HMCN2: variants seen among roughly 807,000 people sequenced by gnomAD.
HMCN2 encodes the protein hemicentin-2.
A neutral mutation model predicts 377.5 loss-of-function variants in HMCN2; 325 were observed. The ratio of observed to expected loss-of-function variants is 0.86; its 90% CI spans 0.79 to 0.94. HMCN2 has a LOEUF of 0.94. HMCN2 is among the 40% of genes least tolerant of loss of function. HMCN2 has a pLI of 0.00. For synonymous variants in HMCN2, 2,007 were observed against 2,046.8 expected (o/e 0.98, Z 0.53); for missense variants, 4,543 against 4,725.3 (o/e 0.96, Z 1.13).
chr9:130,323,124 C>G (rs935658197), intron 19 of HMCN2, among the ~76,000 whole-genome samples: 1 of 152,188 alleles, frequency 6.6e-6, no homozygotes, highest in Admixed American at 6.5e-5. Flanking sequence ...CACCCCCTAA[C>G]TTCCCACTGT....
At chr9:130,328,230 G>A (rs901182261) in intron 22 of HMCN2, among the ~76,000 whole-genome samples, 21 of 152,196 alleles carry the variant, frequency 1.4e-4, no homozygotes, top group Non-Finnish European at 2.4e-4. Context: ...TAGAGGTGGC[G>A]GGGACCCAGG....
chr9:130,279,748 G>A (rs1442530581), intron 1 of HMCN2, among the ~76,000 whole-genome samples: 1 of 152,218 alleles, frequency 6.6e-6, no homozygotes, highest in East Asian at 1.9e-4. Flanking sequence ...CCGTGGTAGG[G>A]TAGAATGATA....
chr9:130,304,871 G>T lies in HMCN2; in HGVS notation c.1685G>T (p.Gly562Val). ...RDWRVLPAST[G>V]RVAQLADLSL... is the part of the protein sequence containing the mutation. ...TGGCGAGTCCTGCCGGCCTCGACGG[G>T]CCGAGTTGCCCAGCTGGCTGACCTG... Residue 562 changes from glycine to valine, a missense_variant, in exon 11 of 98, where the codon GGC (glycine) becomes GTC (valine). This residue lies in a region of HMCN2 where 547 missense variants were observed against 189.9 expected (regional missense o/e 2.88). Coordinates refer to ENST00000683500, the MANE Select transcript of HMCN2 (RefSeq NM_001291815.2). The surrounding 1 kb of genome is among the most constrained non-coding windows in gnomAD (Gnocchi z 4.3). The T allele has an allele frequency of 2.1e-6, 1 of 471,144 alleles. No individual in the cohort carries two copies. Among genetic ancestry groups the T allele is most frequent in the South Asian group, 1.5e-5 (1 of 64,564 alleles). 29.2% of individuals were successfully genotyped at this position (471,144 alleles called of 1,614,324 possible). A position where few individuals can be genotyped will look rare whatever the true frequency, so the allele number is the denominator to read the frequency against.
chr9:130,345,241 TGTGTGTGGTATGTGTATG>T (rs2131496324), intron 25 of HMCN2, among the ~76,000 whole-genome samples: 1 of 147,480 alleles, frequency 6.8e-6, no homozygotes, highest in East Asian at 2.1e-4. Context: ...GTGTGTATGT[TGTGTGTGGTATGTGTATG>T]GTGTGTGGTG....
At chr9:130,306,322 T>A in intron 12 of HMCN2, 52 bp downstream of exon 12, 3 of 465,204 alleles carry the variant, frequency 6.4e-6, no homozygotes, top group South Asian at 4.7e-5. Flanking sequence ...TGGACAGGAC[T>A]CCCAGGGGAC....
chr9:130,330,458 A>G (rs1286185747), intron 22 of HMCN2, among the ~76,000 whole-genome samples: 3 of 152,118 alleles, frequency 2.0e-5, no homozygotes, highest in African/African-American at 7.2e-5. Context: ...ACAGAAACAC[A>G]TGGGGTGTGG....
At chr9:130,287,686 G>A (rs548099401) in intron 4 of HMCN2, among the ~76,000 whole-genome samples, 107 of 152,240 alleles carry the variant, frequency 7.0e-4, no homozygotes, top group Admixed American at 2.5e-3. Flanking sequence ...AGTTTCCAGG[G>A]ACTGGGCTGT....
chr9:130,309,639 C>G (rs6478961), intron 14 of HMCN2, among the ~76,000 whole-genome samples: 6 of 150,852 alleles, frequency 4.0e-5, no homozygotes, highest in Middle Eastern at 3.2e-3. Context: ...TGGACACCAG[C>G]GGGGGGGGTC....
chr9:130,368,135 G>T lies in HMCN2; in HGVS notation c.6626-141G>T, dbSNP rs185511272. 2.1e-4 allele frequency: 68 copies of T among 317,234 alleles called. 1 individual carries two copies. In the East Asian group the frequency reaches 0.011, roughly 52 times the overall value. 19.7% of individuals were successfully genotyped at this position (317,234 alleles called of 1,614,324 possible). On this transcript the variant is annotated intron_variant, in intron 43 of 97. Transcript: ENST00000683500. ...AAGTGGCACTCATGGAAGGCTTCCC[G>T]GAAGAGGTAGTGTCTAAATGGACAC... is the stretch of plus-strand genomic sequence containing the variant.
chr9:130,391,990 TG>T lies in HMCN2; in HGVS notation c.10012del (p.Glu3338SerfsTer3). On this transcript the variant is annotated frameshift_variant, in exon 66 of 98. Transcript: ENST00000683500. LOFTEE classifies it high-confidence loss of function. ...DGSGTLVSRP[G>X]ELVTMVCPVR... ...GCTCGGGGACCCTGGTGAGCAGGCC[TG>T]GGGAGCTGGTGACCATGGTGTGCCC... 1 of 988,298 alleles carries T rather than the reference TG, an allele frequency of 1.0e-6. No individual in the cohort carries two copies. Among genetic ancestry groups the T allele is most frequent in the Non-Finnish European group, 1.2e-6 (1 of 830,324 alleles). The allele number at this position is 988,298 out of a possible 1,614,324, so 61.2% of individuals were successfully genotyped here.
Position 130,425,845 on chromosome 9 carries a change from G to T in HMCN2, c.13800G>T (p.Leu4600=), listed in dbSNP as rs1451574222. 1 of 1,550,436 alleles carries T rather than the reference G, an allele frequency of 6.4e-7. No homozygotes were observed. The highest frequency in any genetic ancestry group is 8.7e-7 in the Non-Finnish European group (1 of 1,146,962). The change falls in exon 90 of 98, where the codon CTG becomes CTT. Residue 4600 remains leucine (L), a synonymous_variant. Transcript: ENST00000683500. Reference sequence around the variant, plus strand: ...CCCAGCCCCAGCTGGTGCAGCACCTGCGGGCCTCAGCTATCAGCTCGGCCT... The same window carrying T: ...CCCAGCCCCAGCTGGTGCAGCACCTTCGGGCCTCAGCTATCAGCTCGGCCT... ...RGPQPQLVQH[L]RASAISSAFD... is the part of the protein sequence containing the mutation.
rs1267783635 is a variant in HMCN2, at chr9:130,370,975, C to T, written c.7081C>T (p.Leu2361Phe). The T allele has an allele frequency of 1.0e-6, 1 of 986,080 alleles. No individual in the cohort carries two copies. Among genetic ancestry groups the T allele is most frequent in the East Asian group, 1.1e-4 (1 of 8,838 alleles). 61.1% of individuals were successfully genotyped at this position (986,080 alleles called of 1,614,324 possible). A position where few individuals can be genotyped will look rare whatever the true frequency, so the allele number is the denominator to read the frequency against. Reference protein sequence around the residue: ...FELSVLVPPELIGDLDPLTNI... With the variant: ...FELSVLVPPEFIGDLDPLTNI... The stretch of plus-strand genomic sequence containing the variant: ...TTCTTTGTGTCCAGTGCCCCCAGAG[C>T]TCATTGGAGACTTGGACCCGCTGAC... The change falls in exon 46 of 98, where the codon CTC (leucine) becomes TTC (phenylalanine). Residue 2361 changes from leucine (L) to phenylalanine (F), a missense_variant. By Grantham distance (22) the Leu-to-Phe change is conservative (BLOSUM62 0). Coordinates refer to ENST00000683500, the MANE Select transcript of HMCN2 (RefSeq NM_001291815.2).
At chr9:130,312,969 A>G (rs1192243615) in intron 15 of HMCN2, among the ~76,000 whole-genome samples, 4 of 152,004 alleles carry the variant, frequency 2.6e-5, no homozygotes, top group African/African-American at 4.8e-5. Context: ...CCAGAGTCTC[A>G]TTTCTTTGGG....
rs1841578473 is a variant in HMCN2 at position 130,379,436 on chromosome 9, C to G, written c.8400C>G (p.Leu2800=). The G allele has an allele frequency of 1.0e-6, 1 of 985,778 alleles. No homozygotes were observed. The highest frequency in any genetic ancestry group is 1.7e-5 in the African/African-American group (1 of 57,240). The allele number at this position is 985,778 out of a possible 1,614,324, so 61.1% of individuals were successfully genotyped here. A position where few individuals can be genotyped will look rare whatever the true frequency, so the allele number is the denominator to read the frequency against. ...DLTWYREDQP[L]SAGDEVSVLQ... Reference sequence around the variant, plus strand: ...CCTGGTACAGAGAGGATCAGCCCCTCTCGGCCGGGGATGAGGTGTCTGTGC... The same window carrying G: ...CCTGGTACAGAGAGGATCAGCCCCTGTCGGCCGGGGATGAGGTGTCTGTGC... Residue 2800 remains leucine (L), a synonymous_variant, in exon 54 of 98, where the codon CTC becomes CTG. Coordinates refer to ENST00000683500, the MANE Select transcript of HMCN2 (RefSeq NM_001291815.2).
intron 4 of HMCN2, among the ~76,000 whole-genome samples, chr9:130,288,607 C>G (rs1293603640): frequency 1.3e-5 from 2 of 152,212 alleles, no homozygotes; most frequent in Non-Finnish European, 2.9e-5. Flanking sequence ...GTCATTAATC[C>G]TTTTACCTCT....
In HMCN2 at chr9:130,430,345, C is replaced by T. The variant is rs1844661625; in HGVS notation, c.14388C>T (p.Gly4796=). 2 of 1,548,322 alleles carry T rather than the reference C, an allele frequency of 1.3e-6. No homozygotes were observed. The highest frequency in any genetic ancestry group is 8.7e-7 in the Non-Finnish European group (1 of 1,146,906). Residue 4796 remains glycine, a synonymous_variant, in exon 95 of 98, where the codon GGC becomes GGT. Transcript: ENST00000683500. The stretch of plus-strand genomic sequence containing the variant: ...CCTACCAGTGCCACAACCTCCAGGG[C>T]AGCTACCGCTGCCTGTGCCCCCCAG... ...ACAYQCHNLQ[G]SYRCLCPPGQ...
Position 130,382,729 on chromosome 9 carries a change from G to T in HMCN2, c.8596G>T (p.Val2866Phe), listed in dbSNP as rs989590143. The T allele has an allele frequency of 7.1e-6, 7 of 985,438 alleles. No individual in the cohort carries two copies. Among genetic ancestry groups the T allele is most frequent in the Non-Finnish European group, 8.4e-6 (7 of 829,914 alleles). 61.0% of individuals were successfully genotyped at this position (985,438 alleles called of 1,614,324 possible). The change falls in exon 56 of 98, where the codon GTC becomes TTC. Residue 2866 changes from valine to phenylalanine, a missense_variant. Coordinates refer to ENST00000683500, the MANE Select transcript of HMCN2 (RefSeq NM_001291815.2). ...AGAGGAGCTGGTGGAAGAGGTGACA[G>T]TCAATGCCAGCAGCACCGTCAGCCT... Reference protein sequence around the residue: ...DTEELVEEVTVNASSTVSLQC... With the variant: ...DTEELVEEVTFNASSTVSLQC...
chr9:130,386,595 C>A, intron 61 of HMCN2, 71 bp downstream of exon 61: 3 of 1,032,386 alleles, frequency 2.9e-6, no homozygotes, highest in South Asian at 2.8e-5. Context: ...CCAAGGAGGA[C>A]AAAGACAATA....
intron 86 of HMCN2, among the ~76,000 whole-genome samples, chr9:130,420,467 T>TAA (rs567658278): frequency 6.7e-4 from 101 of 151,746 alleles, no homozygotes; most frequent in African/African-American, 2.3e-3. Context: ...GGGCTACTGG[T>TAA]AAAAAAACAA....
Sources: allele counts gnomAD v4.1 joint callset (sites outside exome capture counted in the v4.1 genomes callset), GRCh38; gene constraint gnomAD v4.1.1; regional missense constraint gnomAD v4.1.1; non-coding constraint Gnocchi (gnomAD v3.1); transcripts MANE v1.5; gene names NCBI Gene and HGNC (gene_info 2026-07-23, HGNC 2026-07-21).